Variants in GK5 observed in about 807,000 individuals in gnomAD.
GK5 encodes glycerol kinase 5.
GK5 carries 39 observed loss-of-function variants against 77.3 expected under a neutral mutation model. That is an observed-to-expected ratio of 0.50 (90% CI 0.39 to 0.66). GK5 has a LOEUF of 0.66. Ranked by LOEUF, GK5 falls within the 30% of genes least tolerant of loss-of-function variation. The pLI is 0.00. For missense variants in GK5, 487 were observed against 633.8 expected (o/e 0.77, Z 2.49); for synonymous variants, 211 against 208.0 (o/e 1.01, Z -0.13).
intron 1 of GK5, 51 bp downstream of exon 1, chr3:142,225,258 G>C (rs2064411276): frequency 6.8e-7 from 1 of 1,481,442 alleles, no homozygotes; most frequent in African/African-American, 1.4e-5. Flanking sequence ...CGGACCCCGG[G>C]ACTCAGCGAA....
intron 14 of GK5, among the ~76,000 whole-genome samples, chr3:142,170,883 C>T (rs1026072014): frequency 3.3e-5 from 5 of 152,134 alleles, no homozygotes; most frequent in African/African-American, 1.2e-4. Flanking sequence ...GTATTATATT[C>T]TCCATAAATC....
chr3:142,183,122 T>C, intron 9 of GK5, 73 bp from the exon 10 acceptor site: 2 of 1,312,012 alleles, frequency 1.5e-6, no homozygotes, highest in South Asian at 2.6e-5. Flanking sequence ...ATTGTCTCAC[T>C]TATTGTACTC....
At chr3:142,189,741 C>G (rs2063822832) in intron 5 of GK5, among the ~76,000 whole-genome samples, 1 of 152,158 alleles carries the variant, frequency 6.6e-6, no homozygotes, top group Non-Finnish European at 1.5e-5. Context: ...TAGGAGTAAA[C>G]TAGGACCGGC....
At chr3:142,206,559 T>C (rs1182109767) in intron 3 of GK5, among the ~76,000 whole-genome samples, 1 of 152,256 alleles carries the variant, frequency 6.6e-6, no homozygotes, top group East Asian at 1.9e-4. Context: ...ATCTGTGTAT[T>C]ACTCAAGTCC....
rs2063551841 is a variant in GK5, at chr3:142,172,450, A to G, written c.1150T>C (p.Leu384=). 3 of 1,569,352 alleles carry G rather than the reference A, an allele frequency of 1.9e-6. No homozygotes were observed. The highest frequency in any genetic ancestry group is 1.3e-5 in the African/African-American group (1 of 74,278). ...VPSFSGLQAP[L]NDPWACASFM... is the part of the protein sequence containing the mutation. ...GAGGCACATGCCCAGGGGTCATTTA[A>G]TGGAGCCTACAGTAAGAGATAACAA... The change falls in exon 13 of 16, where the codon TTA becomes CTA. Residue 384 remains leucine, a synonymous_variant. Transcript: ENST00000392993.
In GK5 at chr3:142,165,254, G is replaced by T. The variant is rs2063460861; in HGVS notation, c.*368C>A. ...CATAATTTTGGAACAATATGTGCATGGTACTTGACCCAGAACTATTAGCTT... is the reference window on the plus strand; with the variant it reads ...CATAATTTTGGAACAATATGTGCATTGTACTTGACCCAGAACTATTAGCTT... On this transcript the variant is annotated 3_prime_UTR_variant, in exon 16 of 16. Coordinates refer to ENST00000392993, the MANE Select transcript of GK5 (RefSeq NM_001039547.3). The T allele has an allele frequency of 6.1e-6, 1 of 164,754 alleles. No individual in the cohort carries two copies. 10.2% of individuals were successfully genotyped at this position (164,754 alleles called of 1,614,324 possible).
At chr3:142,203,518 T>C (rs2064059232) in intron 4 of GK5, among the ~76,000 whole-genome samples, 1 of 152,212 alleles carries the variant, frequency 6.6e-6, no homozygotes, top group Admixed American at 6.5e-5. Context: ...CTGACGCCTG[T>C]AATCCCCGCA....
At chr3:142,178,308 A>C (rs2063649215) in intron 11 of GK5, among the ~76,000 whole-genome samples, 1 of 152,196 alleles carries the variant, frequency 6.6e-6, no homozygotes, top group Non-Finnish European at 1.5e-5. Context: ...AAGAAAATTA[A>C]CTGAAATACT....
chr3:142,188,941 T>C (rs1311318951), intron 5 of GK5, among the ~76,000 whole-genome samples: 2 of 152,266 alleles, frequency 1.3e-5, no homozygotes, highest in Non-Finnish European at 2.9e-5. Context: ...GTTATTAACA[T>C]ACTGAAAAAC....
intron 5 of GK5, among the ~76,000 whole-genome samples, chr3:142,194,341 C>T (rs2063900256): frequency 6.6e-6 from 1 of 152,100 alleles, no homozygotes. Context: ...GCCTGGCCAA[C>T]ATGGCGAAAC....
Position 142,197,677 on chromosome 3 carries a change from T to A in GK5, c.543+1125A>T, listed in dbSNP as rs141087498. On this transcript the variant is annotated intron_variant, in intron 5 of 15. Transcript: ENST00000392993. Reference sequence around the variant, plus strand: ...AAGTCCTCTGATCACATACTGATACTGTGTAAATTGTTATTATCACTTTGC... The same window carrying A: ...AAGTCCTCTGATCACATACTGATACAGTGTAAATTGTTATTATCACTTTGC... Among the ~76,000 whole-genome samples the A allele has an allele frequency of 8.8e-3, 1,346 of 152,346 alleles. 11 individuals are homozygous for A. The highest frequency in any genetic ancestry group is 0.014 in the Non-Finnish European group (957 of 68,030).
chr3:142,225,576 A>G lies in GK5; in HGVS notation c.-121T>C, dbSNP rs550414882. The G allele has an allele frequency of 1.5e-4, 198 of 1,289,210 alleles. 1 individual carries two copies. The South Asian group carries it at 2.8e-3, about 18-fold the overall frequency. 79.9% of individuals were successfully genotyped at this position (1,289,210 alleles called of 1,614,324 possible). ...CCAACCCGGCTCAGCCGGAGAGCCT[A>G]GAGAGGCCTGGCCCCTGCCGCCGGC... On this transcript the variant is annotated 5_prime_UTR_variant, in exon 1 of 16. Transcript: ENST00000392993.
Position 142,159,849 on chromosome 3 carries a change from C to CTTTTTTTTTTTTTTTTTTTTT in GK5, c.*5772_*5773insAAAAAAAAAAAAAAAAAAAAA, listed in dbSNP as rs1399191009. The CTTTTTTTTTTTTTTTTTTTTT allele has an allele frequency of 1.1e-4, 12 of 104,826 alleles. No homozygotes were observed. The highest frequency in any genetic ancestry group is 4.9e-4 in the African/African-American group (12 of 24,630). The allele number at this position is 104,826 out of a possible 1,614,324, so 6.5% of individuals were successfully genotyped here. ...GGGCTTTCTCTCTCTCTCTCTCTCT[C>CTTTTTTTTTTTTTTTTTTTTT]TCTCTTTTTTTTTTTTGAGACAGAG... On this transcript the variant is annotated 3_prime_UTR_variant, in exon 16 of 16. Transcript: ENST00000392993.
chr3:142,193,704 A>C (rs1317277575), intron 5 of GK5, among the ~76,000 whole-genome samples: 1 of 152,050 alleles, frequency 6.6e-6, no homozygotes, highest in Non-Finnish European at 1.5e-5. Context: ...TACGTATTTT[A>C]TTCTTTTTGA....
At chr3:142,212,659 C>T (rs537927636) in intron 3 of GK5, among the ~76,000 whole-genome samples, 20 of 152,246 alleles carry the variant, frequency 1.3e-4, no homozygotes, top group African/African-American at 4.6e-4. Context: ...CCCTGAGCAA[C>T]CCTGAACAAC....
intron 11 of GK5, among the ~76,000 whole-genome samples, chr3:142,180,962 C>G (rs1340503761): frequency 6.6e-6 from 1 of 152,186 alleles, no homozygotes; most frequent in Non-Finnish European, 1.5e-5. Flanking sequence ...AGACTGACCA[C>G]TGGGTGGCAC....
At chr3:142,180,706 TAGA>T (rs1348039744) in intron 11 of GK5, among the ~76,000 whole-genome samples, 1 of 151,804 alleles carries the variant, frequency 6.6e-6, no homozygotes, top group Non-Finnish European at 1.5e-5. Flanking sequence ...GCTAGGGAGG[TAGA>T]AGTAGTAGCA....
intron 14 of GK5, among the ~76,000 whole-genome samples, chr3:142,170,834 T>C (rs1367136336): frequency 4.6e-5 from 7 of 152,198 alleles, no homozygotes; most frequent in African/African-American, 2.4e-5. Context: ...ATTGATATAC[T>C]ACACATATGG....
chr3:142,166,046 A>C (rs577165090), intron 15 of GK5, among the ~76,000 whole-genome samples: 32 of 152,320 alleles, frequency 2.1e-4, no homozygotes, highest in African/African-American at 7.5e-4. Context: ...GCCATCATTT[A>C]ATTTCATAAC....
Sources: gnomAD v4.1 joint callset for allele counts (sites outside exome capture counted in the v4.1 genomes callset) on GRCh38, gnomAD v4.1.1 for gene constraint, MANE v1.5 for transcripts, NCBI Gene and HGNC (gene_info 2026-07-23, HGNC 2026-07-21) for gene names.